The following HOXB3 variants were observed in gnomAD, a reference collection of about 807,000 sequenced individuals.
HOXB3 encodes homeobox protein Hox-B3.
In HOXB3, 17 loss-of-function variants were observed where a neutral mutation model predicts 29.2. That is an observed-to-expected ratio of 0.58 (90% CI 0.40 to 0.87). The LOEUF is 0.87. Ranked by LOEUF, HOXB3 falls within the 40% of genes least tolerant of loss-of-function variation. The pLI, the probability that HOXB3 is intolerant of heterozygous loss-of-function variation, is 0.00. For synonymous variants in HOXB3, 317 were observed against 285.9 expected (o/e 1.11, Z -1.10); for missense variants, 637 against 616.3 (o/e 1.03, Z -0.35).
chr17:48,569,525 G>C (rs2069512515), intron 2 of HOXB3, among the ~76,000 whole-genome samples: 1 of 152,078 alleles, frequency 6.6e-6, no homozygotes, highest in African/African-American at 2.4e-5. Flanking sequence ...TGGGCTCAGA[G>C]CCCTTCTCCA....
At chr17:48,561,958 T>C (rs1597829663) in intron 2 of HOXB3, among the ~76,000 whole-genome samples, 1 of 152,198 alleles carries the variant, frequency 6.6e-6, no homozygotes, top group African/African-American at 2.4e-5. Context: ...AGTAATAAAC[T>C]GAGTTCAGAC....
Position 48,555,625 on chromosome 17 carries a change from G to A in HOXB3, c.-246-7C>T, listed in dbSNP as rs1006626424. 1 of 702,624 alleles carries A rather than the reference G, an allele frequency of 1.4e-6. No homozygotes were observed. The highest frequency in any genetic ancestry group is 2.6e-6 in the Non-Finnish European group (1 of 384,786). 43.5% of individuals were successfully genotyped at this position (702,624 alleles called of 1,614,324 possible). On this transcript the variant is annotated splice_polypyrimidine_tract_variant and splice_region_variant and intron_variant, in intron 2 of 4. Transcript: ENST00000498678. ...AGGCGACAAATCTCCCCTCCTTGAA[G>A]GCAAAGGAAAAAAAGACCACTGTTT...
Position 48,554,971 on chromosome 17 carries a change from A to G in HOXB3, c.-159+560T>C. 1.6e-6 allele frequency: 1 copy of G among 618,390 alleles called. No homozygotes were observed. Among genetic ancestry groups the G allele is most frequent in the Non-Finnish European group, 2.9e-6 (1 of 345,636 alleles). The allele number at this position is 618,390 out of a possible 1,614,324, so 38.3% of individuals were successfully genotyped here. ...TATTTCCCTTGCCTCCATGTTGGAA[A>G]AATTCAGGTTCCATATGGCTCCTCG... On this transcript the variant is annotated intron_variant, in intron 3 of 4. Coordinates refer to ENST00000498678, the MANE Select transcript of HOXB3 (RefSeq NM_001384749.1). This position sits in a 1 kb window ranked among gnomAD's most constrained non-coding sequence, Gnocchi z 4.1.
rs546602757 is a variant in HOXB3, at chr17:48,565,957, ATCTT to A, written c.-247+7876_-247+7879del. ...CCCTCTCTTCCTCATCTCACTCTTC[ATCTT>A]TCTATCCAATTCCTCTGGTCACTAA... On this transcript the variant is annotated intron_variant, in intron 2 of 4. Coordinates refer to ENST00000498678, the MANE Select transcript of HOXB3 (RefSeq NM_001384749.1). 2.6e-5 allele frequency among the ~76,000 whole-genome samples: 4 copies of A among 152,154 alleles called. No individual in the cohort carries two copies. The East Asian group carries it at 7.7e-4, about 29-fold the overall frequency.
chr17:48,549,239 AAAG>A lies in HOXB3; in HGVS notation c.*1092_*1094del, dbSNP rs1358029464. 6.6e-6 allele frequency: 1 copy of A among 152,670 alleles called. No individual in the cohort carries two copies. The highest frequency in any genetic ancestry group is 2.1e-4 in the South Asian group (1 of 4,828). The allele number at this position is 152,670 out of a possible 1,614,324, so 9.5% of individuals were successfully genotyped here. On this transcript the variant is annotated 3_prime_UTR_variant, in exon 5 of 5. Coordinates refer to ENST00000498678, the MANE Select transcript of HOXB3 (RefSeq NM_001384749.1). ...AATGTAGGGGGATAAATAATACAAA[AAAG>A]AAAATATTTTAACAGGCTATAACCA...
intron 2 of HOXB3, among the ~76,000 whole-genome samples, chr17:48,559,361 G>C (rs1224998490): frequency 6.6e-6 from 1 of 152,186 alleles, no homozygotes; most frequent in African/African-American, 2.4e-5. Flanking sequence ...GGGCAGTCAA[G>C]GATCCTGCCC....
At chr17:48,565,055 C>A (rs2069345856) in intron 2 of HOXB3, among the ~76,000 whole-genome samples, 1 of 151,980 alleles carries the variant, frequency 6.6e-6, no homozygotes, top group Non-Finnish European at 1.5e-5. Flanking sequence ...GGTGAAAGTT[C>A]TTAGGCGGCT....
chr17:48,578,409 T>G (rs1445159524), intron 1 of HOXB3: 104 of 1,480,952 alleles, frequency 7.0e-5, no homozygotes, highest in Non-Finnish European at 9.1e-5. Flanking sequence ...CTACTTACTG[T>G]CAAGTGAACA....
At chr17:48,580,626 C>T (rs1200668400) in intron 1 of HOXB3, 3 of 152,138 alleles carry the variant, frequency 2.0e-5, no homozygotes, top group Non-Finnish European at 4.4e-5. Flanking sequence ...CGTTTCATTT[C>T]CGAATGAAGG....
In HOXB3 at chr17:48,550,319, G is replaced by T. The variant is rs765540492; in HGVS notation, c.*15C>A. On this transcript the variant is annotated 3_prime_UTR_variant, in exon 5 of 5. Transcript: ENST00000498678. ...TCTTCCTCCCCATCCCCTAATCCTCGTTCGCCCTTTCCCATCACAGGTGTG... is the reference window on the plus strand; with the variant it reads ...TCTTCCTCCCCATCCCCTAATCCTCTTTCGCCCTTTCCCATCACAGGTGTG... 6.2e-7 allele frequency: 1 copy of T among 1,613,556 alleles called. No individual in the cohort carries two copies. The highest frequency in any genetic ancestry group is 2.2e-5 in the East Asian group (1 of 44,874).
At chr17:48,574,424 T>TCGGTTCCCCCTGCCC (rs2069693663) in intron 1 of HOXB3, 1 of 152,614 alleles carries the variant, frequency 6.6e-6, no homozygotes. Context: ...GACACCGGCC[T>TCGGTTCCCCCTGCCC]GTCGGTTCCC....
chr17:48,561,195 C>CACACACACACACACACACAT (rs1215192533), intron 2 of HOXB3, among the ~76,000 whole-genome samples: 1 of 150,514 alleles, frequency 6.6e-6, no homozygotes, highest in Non-Finnish European at 1.5e-5. Context: ...CACACACACA[C>CACACACACACACACACACAT]ACACACACAC....
At chr17:48,573,565 A>G (rs2069656537) in intron 2 of HOXB3, among the ~76,000 whole-genome samples, 1 of 151,900 alleles carries the variant, frequency 6.6e-6, no homozygotes, top group East Asian at 1.9e-4. Context: ...TCACAAAACA[A>G]CCGTCTTCTC....
At chr17:48,571,340 A>G (rs1010606223) in intron 2 of HOXB3, among the ~76,000 whole-genome samples, 1 of 152,156 alleles carries the variant, frequency 6.6e-6, no homozygotes. Context: ...ACCCACTGCC[A>G]GCGCTGGGGC....
chr17:48,587,397 G>A (rs1318284686), intron 1 of HOXB3, among the ~76,000 whole-genome samples: 1 of 152,112 alleles, frequency 6.6e-6, no homozygotes, highest in East Asian at 1.9e-4. Flanking sequence ...CTTAAAAGAG[G>A]GGAGCTCATT....
intron 2 of HOXB3, among the ~76,000 whole-genome samples, chr17:48,564,023 C>A (rs1429284873): frequency 6.6e-6 from 1 of 152,168 alleles, no homozygotes; most frequent in Non-Finnish European, 1.5e-5. Flanking sequence ...TTCCTCCACA[C>A]TCGTCCTCCA....
At chr17:48,551,911 C>A in intron 4 of HOXB3, 116 bp downstream of exon 4, 3 of 940,306 alleles carry the variant, frequency 3.2e-6, no homozygotes, top group Non-Finnish European at 4.9e-6. Context: ...TACCCGCTGG[C>A]CACCTAATAT....
chr17:48,552,207 G>C lies in HOXB3; in HGVS notation c.268C>G (p.Pro90Ala), dbSNP rs764975793. Residue 90 changes from proline to alanine, a missense_variant, in exon 4 of 5, where the codon CCC becomes GCC. Pro to Ala is a conservative substitution (Grantham distance 27). Transcript: ENST00000498678. ...PEPLSAPPGS[P>A]PPSAAPTSAT... ...CTGGTAGGTGCGGCACTGGGCGGGGGTGAGCCAGGCGGGGCCGACAGGGGC... is the reference window on the plus strand; with the variant it reads ...CTGGTAGGTGCGGCACTGGGCGGGGCTGAGCCAGGCGGGGCCGACAGGGGC... 1.9e-6 allele frequency: 3 copies of C among 1,613,304 alleles called. No homozygotes were observed. The South Asian group carries it at 3.3e-5, about 18-fold the overall frequency.
At chr17:48,564,346 C>A (rs2069309375) in intron 2 of HOXB3, among the ~76,000 whole-genome samples, 2 of 151,990 alleles carry the variant, frequency 1.3e-5, no homozygotes, top group African/African-American at 4.8e-5. Flanking sequence ...GCATCCTAGT[C>A]GCTCAACCCG....
Sources: gnomAD v4.1 joint callset for allele counts (sites outside exome capture counted in the v4.1 genomes callset) on GRCh38, gnomAD v4.1.1 for gene constraint, Gnocchi (gnomAD v3.1) non-coding constraint, MANE v1.5 for transcripts, NCBI Gene and HGNC (gene_info 2026-07-23, HGNC 2026-07-21) for gene names.